The following THSD7B variants were observed in gnomAD, a reference collection of about 807,000 sequenced individuals.
THSD7B encodes the protein thrombospondin type 1 domain containing 7B, also known as thrombospondin type-1 domain-containing protein 7B.
THSD7B carries 138 observed loss-of-function variants against 213.6 expected under a neutral mutation model. The observed-to-expected ratio is 0.65, with a 90% CI of 0.56 to 0.74. THSD7B has a LOEUF of 0.74. Among genes scored for constraint, THSD7B ranks in the 30% least tolerant of loss-of-function variants. The probability of loss-of-function intolerance (pLI) is 0.00; values close to 1 mark genes in which losing one functional copy is unlikely to be tolerated. For synonymous variants in THSD7B, 742 were observed against 687.0 expected (o/e 1.08, Z -1.25); for missense variants, 1,931 against 1,991.5 (o/e 0.97, Z 0.58).
rs138856608 is a variant in THSD7B, at chr2:137,352,686, G to A, written c.2501-52927G>A. Among the ~76,000 whole-genome samples the A allele has an allele frequency of 1.8e-3, 277 of 152,006 alleles. 3 individuals are homozygous for A. Among genetic ancestry groups the A allele is most frequent in the Admixed American group, 4.9e-3 (74 of 15,234 alleles). ...TACCATATTGTATGTCCCTGACACCGCCCTCTAATTATGGACCACGTGTCA... is the reference window on the plus strand; with the variant it reads ...TACCATATTGTATGTCCCTGACACCACCCTCTAATTATGGACCACGTGTCA... On this transcript the variant is annotated intron_variant, in intron 12 of 27. Coordinates refer to ENST00000409968, the MANE Select transcript of THSD7B (RefSeq NM_001316349.2).
chr2:137,184,211 G>T (rs1680509042), intron 7 of THSD7B, among the ~76,000 whole-genome samples: 1 of 152,114 alleles, frequency 6.6e-6, no homozygotes, highest in Admixed American at 6.6e-5. Context: ...ATGGTGAAAC[G>T]CAGAGGAGGG....
At chr2:137,509,605 T>C (rs1330904013) in intron 15 of THSD7B, among the ~76,000 whole-genome samples, 1 of 152,190 alleles carries the variant, frequency 6.6e-6, no homozygotes, top group Non-Finnish European at 1.5e-5. Context: ...TTTGAGAATA[T>C]TTAGACTAGC....
chr2:137,534,180 TACCATA>T (rs1680459251), intron 15 of THSD7B, among the ~76,000 whole-genome samples: 1 of 151,742 alleles, frequency 6.6e-6, no homozygotes, highest in Non-Finnish European at 1.5e-5. Flanking sequence ...TTAGTTTTAG[TACCATA>T]AAATAGAAAT....
intron 12 of THSD7B, among the ~76,000 whole-genome samples, chr2:137,341,689 A>T (rs1684764868): frequency 6.6e-6 from 1 of 151,616 alleles, no homozygotes; most frequent in Admixed American, 6.6e-5. Context: ...CTGCATATAG[A>T]TACCCAGTAT....
chr2:137,051,623 G>A (rs1341833416), intron 2 of THSD7B, among the ~76,000 whole-genome samples: 2 of 152,144 alleles, frequency 1.3e-5, no homozygotes, highest in Non-Finnish European at 2.9e-5. Flanking sequence ...CTAAAACTCT[G>A]CATCATTATT....
intron 7 of THSD7B, among the ~76,000 whole-genome samples, chr2:137,212,618 C>T (rs891431041): frequency 1.3e-5 from 2 of 151,682 alleles, no homozygotes; most frequent in Admixed American, 6.6e-5. Flanking sequence ...ACTAAATGCT[C>T]GAAGGTAGGC....
chr2:137,387,789 C>T (rs560496463), intron 12 of THSD7B, among the ~76,000 whole-genome samples: 1 of 152,228 alleles, frequency 6.6e-6, no homozygotes, highest in East Asian at 1.9e-4. Flanking sequence ...TTTTATTCTA[C>T]CTAACCATTA....
chr2:137,565,822 C>T (rs1681226410), intron 16 of THSD7B, among the ~76,000 whole-genome samples: 1 of 152,090 alleles, frequency 6.6e-6, no homozygotes, highest in Non-Finnish European at 1.5e-5. Flanking sequence ...CATGGTGGCT[C>T]CACTCTGATG....
chr2:137,160,145 T>C, intron 5 of THSD7B, 68 bp from the exon 6 acceptor site: 1 of 1,495,338 alleles, frequency 6.7e-7, no homozygotes, highest in South Asian at 1.4e-5. Context: ...GGCATGCAAA[T>C]AAAGGCAGAA....
intron 14 of THSD7B, among the ~76,000 whole-genome samples, chr2:137,433,158 G>A (rs1463780848): frequency 1.3e-5 from 2 of 152,080 alleles, no homozygotes; most frequent in African/African-American, 2.4e-5. Context: ...AAGGAGCAGG[G>A]CGCTGTAAGA....
intron 3 of THSD7B, among the ~76,000 whole-genome samples, chr2:137,080,228 T>A (rs2104903656): frequency 6.6e-6 from 1 of 151,644 alleles, no homozygotes; most frequent in Non-Finnish European, 1.5e-5. Context: ...TGAGACAGAG[T>A]CTCACTTCAT....
intron 2 of THSD7B, among the ~76,000 whole-genome samples, chr2:136,988,396 A>G (rs1021556846): frequency 6.6e-6 from 1 of 152,218 alleles, no homozygotes; most frequent in African/African-American, 2.4e-5. Flanking sequence ...AATAATACCT[A>G]ATTTGAATTT....
intron 2 of THSD7B, among the ~76,000 whole-genome samples, chr2:137,013,964 G>A (rs923522359): frequency 9.2e-5 from 14 of 152,228 alleles, no homozygotes; most frequent in African/African-American, 3.1e-4. Flanking sequence ...ATATAAAACA[G>A]GTGGAGAGAT....
At chr2:137,319,601 T>G (rs1684218780) in intron 12 of THSD7B, among the ~76,000 whole-genome samples, 1 of 152,240 alleles carries the variant, frequency 6.6e-6, no homozygotes, top group South Asian at 2.1e-4. Context: ...TGCAAAGCAC[T>G]GAAAAGATGT....
chr2:136,782,190 G>T (rs60212828), intron 1 of THSD7B, among the ~76,000 whole-genome samples: 1 of 152,172 alleles, frequency 6.6e-6, no homozygotes, highest in Admixed American at 6.5e-5. Context: ...GAGTTGCGAC[G>T]TGGTAGAAAG....
intron 12 of THSD7B, among the ~76,000 whole-genome samples, chr2:137,339,460 G>T (rs1464270195): frequency 6.6e-6 from 1 of 152,008 alleles, no homozygotes; most frequent in Admixed American, 6.6e-5. Context: ...ACAGTATTGT[G>T]AGGGGATGGA....
At chr2:137,269,820 C>A (rs1164972961) in intron 10 of THSD7B, among the ~76,000 whole-genome samples, 1 of 152,134 alleles carries the variant, frequency 6.6e-6, no homozygotes, top group Non-Finnish European at 1.5e-5. Flanking sequence ...CCTCACAGAA[C>A]CTTAACTACA....
At chr2:136,777,561 C>A (rs1416151375) in intron 1 of THSD7B, among the ~76,000 whole-genome samples, 1 of 152,128 alleles carries the variant, frequency 6.6e-6, no homozygotes, top group African/African-American at 2.4e-5. Flanking sequence ...AAAGAAGAAT[C>A]TTAGTATATG....
chr2:137,430,913 C>T (rs1269906336), intron 14 of THSD7B, among the ~76,000 whole-genome samples: 3 of 152,120 alleles, frequency 2.0e-5, no homozygotes, highest in Admixed American at 6.6e-5. Flanking sequence ...GACATTAACA[C>T]GGGTAAATAT....
Sources: gnomAD v4.1 joint callset for allele counts (sites outside exome capture counted in the v4.1 genomes callset) on GRCh38, gnomAD v4.1.1 for gene constraint, MANE v1.5 for transcripts, NCBI Gene and HGNC (gene_info 2026-07-23, HGNC 2026-07-21) for gene names.